Variants in GLIS3 observed in about 807,000 individuals in gnomAD.
GLIS3 encodes the protein GLIS family zinc finger 3.
Under a neutral mutation model 78.6 loss-of-function variants are expected in GLIS3, and 53 were observed. The observed-to-expected ratio is 0.67, with a 90% CI of 0.54 to 0.85. The LOEUF (loss-of-function observed/expected upper bound fraction) is 0.85, where lower values mean the gene tolerates loss of function less well. GLIS3 is among the 40% of genes least tolerant of loss of function. GLIS3 has a pLI of 0.00. For missense variants in GLIS3, 1,703 were observed against 1,231.1 expected, an observed-to-expected ratio of 1.38 and a Z score of -5.74; for synonymous variants, 684 against 509.9, an observed-to-expected ratio of 1.34 and a Z score of -4.60.
intron 4 of GLIS3, among the ~76,000 whole-genome samples, chr9:3,990,198 GCATCATTCTT>G (rs1247074519): frequency 1.3e-5 from 2 of 152,140 alleles, no homozygotes; most frequent in Non-Finnish European, 1.5e-5. Flanking sequence ...CTGCTTTTTT[GCATCATTCTT>G]CATCATTCCA....
At chr9:4,349,840 G>T (rs149410519), upstream of GLIS3, among the ~76,000 whole-genome samples, 2 of 152,180 alleles carry the variant, frequency 1.3e-5, no homozygotes, top group Non-Finnish European at 2.9e-5. Flanking sequence ...AAGCCTTCAG[G>T]GTGTCCTGAA....
At chr9:4,451,455 A>C in the GLIS3 span, among the ~76,000 whole-genome samples, 10 of 152,218 alleles carry the variant, frequency 6.6e-5, no homozygotes, top group South Asian at 2.1e-4. Context: ...CAGAAGGTTA[A>C]CAAGGATATC....
intron 2 of GLIS3, among the ~76,000 whole-genome samples, chr9:4,182,879 C>G (rs928187784): frequency 6.6e-6 from 1 of 152,202 alleles, no homozygotes; most frequent in Non-Finnish European, 1.5e-5. Context: ...CTGTCTGATT[C>G]TCCCAACAAC....
At chr9:4,332,800 T>A (rs922863270) in intron 2 of GLIS3, among the ~76,000 whole-genome samples, 3 of 152,214 alleles carry the variant, frequency 2.0e-5, no homozygotes, top group African/African-American at 7.2e-5. Flanking sequence ...ACACATCTAT[T>A]CAGTAAATAT....
At chr9:4,205,081 C>G (rs929544465) in intron 2 of GLIS3, among the ~76,000 whole-genome samples, 1 of 149,638 alleles carries the variant, frequency 6.7e-6, no homozygotes, top group Admixed American at 6.8e-5. Flanking sequence ...GAGGCTGAGG[C>G]AGGAGAATTA....
chr9:3,919,826 T>G (rs1824754814), intron 6 of GLIS3, among the ~76,000 whole-genome samples: 1 of 151,994 alleles, frequency 6.6e-6, no homozygotes, highest in South Asian at 2.1e-4. Context: ...CAATATTAAT[T>G]GTAATACTAG....
At chr9:4,325,090 A>G (rs1050112486) in intron 2 of GLIS3, among the ~76,000 whole-genome samples, 1 of 152,320 alleles carries the variant, frequency 6.6e-6, no homozygotes, top group Middle Eastern at 3.4e-3. Context: ...CAGGCCACAC[A>G]GCTGGTAAGT....
chr9:4,073,054 T>C (rs923890600), intron 4 of GLIS3, among the ~76,000 whole-genome samples: 3 of 152,074 alleles, frequency 2.0e-5, no homozygotes, highest in African/African-American at 7.2e-5. Context: ...TAAGTAATTA[T>C]ACACCCCTTT....
chr9:4,161,968 G>C lies in GLIS3; in HGVS notation c.389-36027C>G, dbSNP rs116518941. 4.4e-3 allele frequency among the ~76,000 whole-genome samples: 674 copies of C among 152,174 alleles called. 8 individuals carry two copies. The highest frequency in any genetic ancestry group is 0.015 in the African/African-American group (630 of 41,516). Reference sequence around the variant, plus strand: ...CCCAAAGTGGTGGGATTACAGGCGTGAGCCACTGCACCCAGGCTGAGGCTA... The same window carrying C: ...CCCAAAGTGGTGGGATTACAGGCGTCAGCCACTGCACCCAGGCTGAGGCTA... On this transcript the variant is annotated intron_variant, in intron 2 of 10. Transcript: ENST00000381971.
chr9:4,134,125 T>C (rs749679557), intron 2 of GLIS3, among the ~76,000 whole-genome samples: 116 of 152,260 alleles, frequency 7.6e-4, no homozygotes, highest in African/African-American at 2.6e-3. Flanking sequence ...AACCATACCC[T>C]TTTACTGTGC....
chr9:4,309,691 A>G (rs536797213), intron 3 of GLIS3, among the ~76,000 whole-genome samples: 1 of 152,236 alleles, frequency 6.6e-6, no homozygotes, highest in Admixed American at 6.5e-5. Context: ...CTCTGAAAGT[A>G]GAAGTTCCAT....
chr9:3,987,767 A>AG (rs1819870644), intron 4 of GLIS3, among the ~76,000 whole-genome samples: 1 of 138,252 alleles, frequency 7.2e-6, no homozygotes, highest in South Asian at 2.4e-4. Flanking sequence ...TTGGCAAAAA[A>AG]AAAAAAAAAA....
chr9:4,355,292 C>T, the GLIS3 span, among the ~76,000 whole-genome samples: 1 of 152,074 alleles, frequency 6.6e-6, no homozygotes, highest in Non-Finnish European at 1.5e-5. Flanking sequence ...ACTTAACCTC[C>T]TTGAGCCTCA....
intron 1 of GLIS3, among the ~76,000 whole-genome samples, chr9:4,288,267 G>T (rs1828166176): frequency 6.6e-6 from 1 of 152,274 alleles, no homozygotes; most frequent in South Asian, 2.1e-4. Context: ...TGATAAAATA[G>T]TGTTTTCTGA....
intron 2 of GLIS3, among the ~76,000 whole-genome samples, chr9:4,267,702 A>T (rs1377492373): frequency 1.3e-5 from 2 of 152,176 alleles, no homozygotes; most frequent in Non-Finnish European, 2.9e-5. Flanking sequence ...ATCATAAAAC[A>T]ACGATAAGAA....
At chr9:4,249,389 G>A (rs1824132219) in intron 2 of GLIS3, among the ~76,000 whole-genome samples, 1 of 152,146 alleles carries the variant, frequency 6.6e-6, no homozygotes, top group South Asian at 2.1e-4. Flanking sequence ...TAGCAATTGT[G>A]AATGGAAGTT....
chr9:4,193,141 C>A (rs577380908), intron 2 of GLIS3, among the ~76,000 whole-genome samples: 9 of 152,336 alleles, frequency 5.9e-5, no homozygotes, highest in Admixed American at 1.3e-4. Flanking sequence ...ATTCTGGTAA[C>A]CAGGTAGAAC....
chr9:3,852,539 AT>A (rs1387299618), intron 9 of GLIS3, among the ~76,000 whole-genome samples: 26 of 152,224 alleles, frequency 1.7e-4, no homozygotes, highest in African/African-American at 6.3e-4. Context: ...AATGCAACTC[AT>A]TAAGAAGGTC....
chr9:3,835,915 G>A (rs182955773), intron 9 of GLIS3, among the ~76,000 whole-genome samples: 23 of 152,288 alleles, frequency 1.5e-4, no homozygotes, highest in Admixed American at 9.2e-4. Flanking sequence ...GCATTTTAGT[G>A]AGAAAGAAAG....
Sources: allele counts gnomAD v4.1 joint callset (sites outside exome capture counted in the v4.1 genomes callset), GRCh38; gene constraint gnomAD v4.1.1; transcripts MANE v1.5; gene names NCBI Gene and HGNC (gene_info 2026-07-23, HGNC 2026-07-21).